The following PPFIA2 variants were observed in gnomAD, a reference collection of about 807,000 sequenced individuals.
PPFIA2 encodes liprin-alpha-2.
A neutral mutation model predicts 175.5 loss-of-function variants in PPFIA2; 46 were observed. The ratio of observed to expected loss-of-function variants is 0.26; its 90% confidence interval spans 0.21 to 0.34. The LOEUF (loss-of-function observed/expected upper bound fraction) is 0.34. PPFIA2 is among the 10% of genes least tolerant of loss of function. The pLI is 1.00. For missense variants in PPFIA2, 1,179 were observed against 1,506.1 expected, an observed-to-expected ratio of 0.78 and a Z score of 3.60; for synonymous variants, 568 against 511.4, an observed-to-expected ratio of 1.11 and a Z score of -1.49.
At chr12:81,480,094 C>T (rs1028480047) in intron 4 of PPFIA2, among the ~76,000 whole-genome samples, 1 of 152,098 alleles carries the variant, frequency 6.6e-6, no homozygotes, top group Non-Finnish European at 1.5e-5. Context: ...TTCTTGGAGG[C>T]TTTGTTTGTT....
intron 4 of PPFIA2, among the ~76,000 whole-genome samples, chr12:81,538,227 A>G (rs140871417): frequency 2.9e-4 from 44 of 152,056 alleles, no homozygotes; most frequent in South Asian, 1.5e-3. Context: ...GTGAATACAT[A>G]GCATAATTAC....
chr12:81,641,335 T>C (rs17008859), intron 4 of PPFIA2, among the ~76,000 whole-genome samples: 2,062 of 152,282 alleles, frequency 0.014, 73 homozygotes, highest in Admixed American at 0.076. Flanking sequence ...TCTCACCATA[T>C]GTAGCATTTC....
At chr12:81,484,742 T>A (rs1381445082) in intron 4 of PPFIA2, among the ~76,000 whole-genome samples, 1 of 151,958 alleles carries the variant, frequency 6.6e-6, no homozygotes, top group Non-Finnish European at 1.5e-5. Context: ...ACTTCATATG[T>A]TAAATATCTT....
At chr12:81,552,612 T>A (rs2068114651) in intron 4 of PPFIA2, among the ~76,000 whole-genome samples, 1 of 151,990 alleles carries the variant, frequency 6.6e-6, no homozygotes, top group Non-Finnish European at 1.5e-5. Context: ...AAAATATGAA[T>A]CTTTTGTTAT....
At chr12:81,717,844 G>A (rs1273890663) in intron 3 of PPFIA2, among the ~76,000 whole-genome samples, 1 of 151,594 alleles carries the variant, frequency 6.6e-6, no homozygotes, top group Admixed American at 6.6e-5. Context: ...GGGGAATGGG[G>A]AAGAAGGACA....
chr12:81,730,799 G>A (rs1052414709), intron 3 of PPFIA2, among the ~76,000 whole-genome samples: 12 of 151,468 alleles, frequency 7.9e-5, no homozygotes, highest in Non-Finnish European at 1.5e-4. Context: ...CCAATTAAAT[G>A]TTATTACCCT....
intron 4 of PPFIA2, among the ~76,000 whole-genome samples, chr12:81,500,711 G>A (rs921136492): frequency 5.3e-5 from 8 of 152,134 alleles, no homozygotes; most frequent in Non-Finnish European, 1.2e-4. Context: ...ATATCCCAGA[G>A]ACATAGAGTT....
chr12:81,303,776 C>T lies in PPFIA2; in HGVS notation c.2643-4394G>A, dbSNP rs545608696. Among the ~76,000 whole-genome samples the T allele has an allele frequency of 3.3e-5, 5 of 152,088 alleles. No homozygotes were observed. The East Asian group carries it at 5.8e-4, about 18-fold the overall frequency. ...CAAAGGGTGTGCAGTCAAGAAATGA[C>T]GAGACTCAAAAATTTCTAGATAAAA... On this transcript the variant is annotated intron_variant, in intron 22 of 32. Coordinates refer to ENST00000549396, the MANE Select transcript of PPFIA2 (RefSeq NM_003625.5).
chr12:81,276,600 G>A (rs970760262), intron 28 of PPFIA2, among the ~76,000 whole-genome samples: 1 of 151,914 alleles, frequency 6.6e-6, no homozygotes. Context: ...GGCATATTAA[G>A]GTACTTCTCT....
At chr12:81,321,062 A>AGAGAGAGG (rs2053554828) in intron 22 of PPFIA2, among the ~76,000 whole-genome samples, 1 of 151,974 alleles carries the variant, frequency 6.6e-6, no homozygotes, top group African/African-American at 2.4e-5. Flanking sequence ...AAACAGAGAG[A>AGAGAGAGG]GAGAGAGAGA....
intron 3 of PPFIA2, among the ~76,000 whole-genome samples, chr12:81,716,510 A>C (rs1172130260): frequency 6.6e-6 from 1 of 151,554 alleles, no homozygotes; most frequent in East Asian, 1.9e-4. Context: ...TTTCTCACCC[A>C]GAAGTTCTTC....
chr12:81,684,145 C>A (rs2074097230), intron 3 of PPFIA2, among the ~76,000 whole-genome samples: 1 of 152,122 alleles, frequency 6.6e-6, no homozygotes, highest in South Asian at 2.1e-4. Context: ...CTATTTAACT[C>A]ACCCACTTCA....
chr12:81,638,915 C>T, intron 4 of PPFIA2, among the ~76,000 whole-genome samples: 1 of 151,560 alleles, frequency 6.6e-6, no homozygotes, highest in Non-Finnish European at 1.5e-5. Flanking sequence ...TCTCGATCTC[C>T]TGACCTCGTG....
chr12:81,360,710 T>C (rs1276064642), intron 15 of PPFIA2, among the ~76,000 whole-genome samples: 3 of 151,720 alleles, frequency 2.0e-5, no homozygotes, highest in African/African-American at 7.2e-5. Flanking sequence ...AAATTACTTG[T>C]CCTCAGAAGC....
At chr12:81,666,782 A>G (rs1407558296) in intron 4 of PPFIA2, among the ~76,000 whole-genome samples, 2 of 152,074 alleles carry the variant, frequency 1.3e-5, no homozygotes, top group African/African-American at 2.4e-5. Flanking sequence ...AAAAAGAAAA[A>G]GAAATAGAGG....
intron 11 of PPFIA2, among the ~76,000 whole-genome samples, chr12:81,373,011 A>AT (rs1440904179): frequency 6.6e-6 from 1 of 151,740 alleles, no homozygotes; most frequent in African/African-American, 2.4e-5. Context: ...AATTCCAGTT[A>AT]TTTTTATATA....
intron 3 of PPFIA2, among the ~76,000 whole-genome samples, chr12:81,714,166 G>GTA (rs1262607982): frequency 6.6e-6 from 1 of 150,988 alleles, no homozygotes; most frequent in Non-Finnish European, 1.5e-5. Context: ...TGGTAAATAT[G>GTA]TATAGAAGCA....
intron 4 of PPFIA2, among the ~76,000 whole-genome samples, chr12:81,551,677 T>G (rs990981610): frequency 2.0e-5 from 3 of 151,970 alleles, no homozygotes; most frequent in African/African-American, 7.2e-5. Context: ...TATGTTTTTA[T>G]AGTTACTTAT....
At chr12:81,629,598 A>G (rs753457632) in intron 4 of PPFIA2, among the ~76,000 whole-genome samples, 1 of 152,170 alleles carries the variant, frequency 6.6e-6, no homozygotes, top group Non-Finnish European at 1.5e-5. Flanking sequence ...CTGGCTTGGA[A>G]AATAGAAACA....
Sources: allele counts gnomAD v4.1 joint callset (sites outside exome capture counted in the v4.1 genomes callset), GRCh38; gene constraint gnomAD v4.1.1; transcripts MANE v1.5; gene names NCBI Gene and HGNC (gene_info 2026-07-23, HGNC 2026-07-21).